The following NOS1AP variants were observed in gnomAD, a reference collection of about 807,000 sequenced individuals.
The protein encoded by NOS1AP is carboxyl-terminal PDZ ligand of neuronal nitric oxide synthase protein.
NOS1AP carries 21 observed loss-of-function variants against 56.2 expected under a neutral mutation model. The observed-to-expected ratio is 0.37, with a 90% CI of 0.26 to 0.54. The LOEUF (loss-of-function observed/expected upper bound fraction) is 0.54, where lower values mean the gene tolerates loss of function less well. Among genes scored for constraint, NOS1AP ranks in the 20% least tolerant of loss-of-function variants. The pLI is 0.84. For synonymous variants in NOS1AP, 270 were observed against 274.6 expected (o/e 0.98, Z 0.17); for missense variants, 522 against 657.8 (o/e 0.79, Z 2.26).
rs776450505 is a variant in NOS1AP, at chr1:162,299,223, A to T, written c.271-1410A>T. ...TCATTAAAAAAACTGCTATAAACCA[A>T]TCTGCTGGGTTAAGAGGAGTGTCAT... On this transcript the variant is annotated intron_variant, in intron 3 of 9. Coordinates refer to ENST00000361897, the MANE Select transcript of NOS1AP (RefSeq NM_014697.3). 6.6e-5 allele frequency among the ~76,000 whole-genome samples: 10 copies of T among 152,108 alleles called. No homozygotes were observed. In the South Asian group the frequency reaches 2.1e-3, roughly 32 times the overall value.
intron 2 of NOS1AP, among the ~76,000 whole-genome samples, chr1:162,259,726 T>C (rs1654149719): frequency 6.6e-6 from 1 of 152,236 alleles, no homozygotes; most frequent in South Asian, 2.1e-4. Flanking sequence ...ATTAAAACAT[T>C]AACATGTGCA....
At chr1:162,270,770 C>G (rs1355905325) in intron 2 of NOS1AP, among the ~76,000 whole-genome samples, 2 of 152,138 alleles carry the variant, frequency 1.3e-5, no homozygotes, top group Non-Finnish European at 2.9e-5. Flanking sequence ...AGCGATGAAC[C>G]TTTTGTCAAA....
At chr1:162,098,080 T>C in intron 1 of NOS1AP, among the ~76,000 whole-genome samples, 1 of 150,544 alleles carries the variant, frequency 6.6e-6, no homozygotes, top group African/African-American at 2.4e-5. Context: ...CTTTTATTTA[T>C]AATAGTTTCT....
At chr1:162,089,016 C>G (rs1446308760) in intron 1 of NOS1AP, among the ~76,000 whole-genome samples, 1 of 152,150 alleles carries the variant, frequency 6.6e-6, no homozygotes, top group Non-Finnish European at 1.5e-5. Context: ...TGTCTCAGAC[C>G]TGGAATCAAT....
chr1:162,104,813 A>T (rs1647434411), intron 1 of NOS1AP, among the ~76,000 whole-genome samples: 1 of 151,982 alleles, frequency 6.6e-6, no homozygotes. Context: ...GTATTGTTTT[A>T]TCATGATTCC....
At chr1:162,154,642 C>A (rs1381806576) in intron 2 of NOS1AP, among the ~76,000 whole-genome samples, 166 bp downstream of exon 2, 1 of 152,162 alleles carries the variant, frequency 6.6e-6, no homozygotes, top group Non-Finnish European at 1.5e-5. Flanking sequence ...AACATTTGAT[C>A]TTGATGAAAG....
chr1:162,175,585 A>G (rs1037995704), intron 2 of NOS1AP, among the ~76,000 whole-genome samples: 2 of 151,964 alleles, frequency 1.3e-5, no homozygotes, highest in African/African-American at 2.4e-5. Context: ...CTTTTGTTGA[A>G]GGCATGGAGT....
At chr1:162,342,478 C>A (rs901070297) in intron 5 of NOS1AP, 1 of 469,412 alleles carries the variant, frequency 2.1e-6, no homozygotes, top group Non-Finnish European at 4.4e-6. Context: ...AGAAGTTATA[C>A]CCAGCAGAGA....
chr1:162,137,487 G>A (rs1649054441), intron 1 of NOS1AP, among the ~76,000 whole-genome samples: 1 of 152,128 alleles, frequency 6.6e-6, no homozygotes. Context: ...GCACAGTGTT[G>A]TTGCTAACCA....
chr1:162,327,633 G>A (rs547902696), intron 4 of NOS1AP, among the ~76,000 whole-genome samples: 4 of 152,280 alleles, frequency 2.6e-5, no homozygotes, highest in South Asian at 4.1e-4. Flanking sequence ...CAGCTGTTGC[G>A]CAAATTAGCT....
intron 8 of NOS1AP, among the ~76,000 whole-genome samples, chr1:162,362,089 C>T (rs1033907009): frequency 6.6e-6 from 1 of 152,210 alleles, no homozygotes; most frequent in South Asian, 2.1e-4. Context: ...AACAGACAAG[C>T]ACTCCAGCTC....
At chr1:162,116,199 G>A (rs987738777) in intron 1 of NOS1AP, among the ~76,000 whole-genome samples, 1 of 152,156 alleles carries the variant, frequency 6.6e-6, no homozygotes, top group Non-Finnish European at 1.5e-5. Flanking sequence ...ACTCACTTTT[G>A]TATGCAGTCT....
chr1:162,238,394 A>G (rs1571151817), intron 2 of NOS1AP, among the ~76,000 whole-genome samples: 1 of 152,292 alleles, frequency 6.6e-6, no homozygotes, highest in East Asian at 1.9e-4. Flanking sequence ...TCAAAGAAGC[A>G]GCTCTCTTAA....
At chr1:162,261,507 A>AGGAGAGAGAG (rs1436674936) in intron 2 of NOS1AP, among the ~76,000 whole-genome samples, 1 of 18,382 alleles carries the variant, frequency 5.4e-5, no homozygotes, top group Non-Finnish European at 1.3e-4. Flanking sequence ...AGAGAGAGAG[A>AGGAGAGAGAG]GAGAGAGAGA....
intron 8 of NOS1AP, among the ~76,000 whole-genome samples, chr1:162,359,812 C>T (rs1657833621): frequency 6.6e-6 from 1 of 152,126 alleles, no homozygotes; most frequent in African/African-American, 2.4e-5. Context: ...TTCTGTCTGT[C>T]TTTATTAAAC....
At chr1:162,355,120 T>C in intron 6 of NOS1AP, 67 bp from the exon 7 acceptor site, 1 of 1,578,200 alleles carries the variant, frequency 6.3e-7, no homozygotes, top group Non-Finnish European at 8.7e-7. Context: ...AGCTAAAGTA[T>C]TAGGAAAGGA....
At chr1:162,344,205 G>A (rs1455746867) in intron 6 of NOS1AP, among the ~76,000 whole-genome samples, 4 of 152,130 alleles carry the variant, frequency 2.6e-5, no homozygotes, top group African/African-American at 9.7e-5. Flanking sequence ...GGATATCAGG[G>A]AGAGGTAGAG....
chr1:162,143,670 T>C (rs1649331275), intron 1 of NOS1AP, among the ~76,000 whole-genome samples: 1 of 152,104 alleles, frequency 6.6e-6, no homozygotes, highest in Admixed American at 6.5e-5. Context: ...CTATGTTGCC[T>C]AGGCTGGTCT....
chr1:162,367,624 C>A lies in NOS1AP; in HGVS notation c.*157C>A. The A allele has an allele frequency of 1.2e-6, 1 of 819,644 alleles. No homozygotes were observed. The highest frequency in any genetic ancestry group is 1.9e-6 in the Non-Finnish European group (1 of 537,524). 50.8% of individuals were successfully genotyped at this position (819,644 alleles called of 1,614,324 possible). On this transcript the variant is annotated 3_prime_UTR_variant, in exon 10 of 10. Transcript: ENST00000361897. This position sits in a 1 kb window ranked among gnomAD's most constrained non-coding sequence, Gnocchi z 6.5. ...GTTTCAGGAAAGTATTGAGATTCTG[C>A]TTTGGAGGGTAAAGTGGGGAAGAAA...
Sources: gnomAD v4.1 joint callset for allele counts (sites outside exome capture counted in the v4.1 genomes callset) on GRCh38, gnomAD v4.1.1 for gene constraint, Gnocchi (gnomAD v3.1) non-coding constraint, MANE v1.5 for transcripts, NCBI Gene and HGNC (gene_info 2026-07-23, HGNC 2026-07-21) for gene names.